TXNDC9: variants seen among roughly 807,000 people sequenced by gnomAD.
TXNDC9 encodes thioredoxin domain-containing protein 9.
Under a neutral mutation model 23.0 loss-of-function variants are expected in TXNDC9, and 7 were observed. The ratio of observed to expected loss-of-function variants is 0.30; its 90% CI spans 0.17 to 0.57. TXNDC9 has a LOEUF of 0.57. Ranked by LOEUF, TXNDC9 falls within the 20% of genes least tolerant of loss-of-function variation. The pLI is 0.90. For synonymous variants in TXNDC9, 72 were observed against 90.6 expected (o/e 0.79, Z 1.17); for missense variants, 198 against 252.6 (o/e 0.78, Z 1.47).
At chr2:99,314,148 C>T, downstream of TXNDC9, among the ~76,000 whole-genome samples, 1 of 152,070 alleles carries the variant, frequency 6.6e-6, no homozygotes, top group Admixed American at 6.6e-5. Flanking sequence ...TTCACATGGC[C>T]TCTTAGTCTT....
chr2:99,332,388 A>G (rs1001476175), intron 2 of TXNDC9, among the ~76,000 whole-genome samples: 1 of 152,194 alleles, frequency 6.6e-6, no homozygotes, highest in Non-Finnish European at 1.5e-5. Flanking sequence ...GGTTGCAGTG[A>G]GTTGAGATGA....
Position 99,319,695 on chromosome 2 carries a change from G to T in TXNDC9, c.668C>A (p.Ser223Tyr), listed in dbSNP as rs2094197067. Residue 223 changes from serine (S) to tyrosine (Y), a missense_variant, in exon 5 of 5, where the codon TCT becomes TAT. Physicochemically the swap from Ser to Tyr is moderately radical, Grantham distance 144. Coordinates refer to ENST00000264255, the MANE Select transcript of TXNDC9 (RefSeq NM_005783.4). Reference sequence around the variant, plus strand: ...AATTATTGAGCTCTAATCATCATCAGAGTCTGAATCATATTTCTTTCCTCG... The same window carrying T: ...AATTATTGAGCTCTAATCATCATCATAGTCTGAATCATATTTCTTTCCTCG... The part of the protein sequence containing the change: ...TIRGKKYDSD[S>Y]DDD 6.3e-7 allele frequency: 1 copy of T among 1,582,908 alleles called. No individual in the cohort carries two copies. Among genetic ancestry groups the T allele is most frequent in the East Asian group, 2.2e-5 (1 of 44,496 alleles).
intron 3 of TXNDC9, among the ~76,000 whole-genome samples, chr2:99,327,268 C>T (rs376968553): frequency 3.3e-5 from 5 of 152,200 alleles, no homozygotes; most frequent in South Asian, 4.1e-4. Flanking sequence ...GGCAGGGTTT[C>T]GCCATGTTGG....
At chr2:99,331,509 CAAAAAAA>C (rs1331778345) in intron 2 of TXNDC9, among the ~76,000 whole-genome samples, 1 of 54,776 alleles carries the variant, frequency 1.8e-5, no homozygotes, top group Non-Finnish European at 3.8e-5. Flanking sequence ...GACTCCCTCT[CAAAAAAA>C]AAAAAAAAAA....
At chr2:99,308,525 G>T in the TXNDC9 span, among the ~76,000 whole-genome samples, 2 of 152,028 alleles carry the variant, frequency 1.3e-5, no homozygotes, top group Non-Finnish European at 2.9e-5. Context: ...TTTTAGGCCT[G>T]TTGGTGCATA....
the TXNDC9 span, among the ~76,000 whole-genome samples, chr2:99,307,056 C>CT: frequency 6.9e-6 from 1 of 144,276 alleles, no homozygotes; most frequent in African/African-American, 2.6e-5. Flanking sequence ...CCTTCCCTTC[C>CT]TCCCTTCCTC....
Position 99,319,808 on chromosome 2 carries a change from A to T in TXNDC9, c.564-9T>A, listed in dbSNP as rs1199549135. ...GCTCCATTAAATTTCCACTTAAAAAAAAAAAAAAGCATTTTATTCTTTATG... is the reference window on the plus strand; with the variant it reads ...GCTCCATTAAATTTCCACTTAAAAATAAAAAAAAGCATTTTATTCTTTATG... On this transcript the variant is annotated splice_polypyrimidine_tract_variant and intron_variant, in intron 4 of 4. Transcript: ENST00000264255. The T allele has an allele frequency of 4.6e-6, 7 of 1,536,068 alleles. No individual in the cohort carries two copies. Among genetic ancestry groups the T allele is most frequent in the Non-Finnish European group, 6.2e-6 (7 of 1,133,878 alleles).
chr2:99,316,071 G>C (rs990812630), downstream of TXNDC9, among the ~76,000 whole-genome samples: 2 of 149,618 alleles, frequency 1.3e-5, no homozygotes, highest in African/African-American at 2.5e-5. Flanking sequence ...TTAAGACTTA[G>C]TATCAAGTCC....
At chr2:99,323,819 C>T (rs1165754026) in intron 3 of TXNDC9, among the ~76,000 whole-genome samples, 1 of 152,034 alleles carries the variant, frequency 6.6e-6, no homozygotes, top group Non-Finnish European at 1.5e-5. Flanking sequence ...TGGTTCTTAA[C>T]CCCAGGTGTT....
Position 99,322,161 on chromosome 2 carries a change from G to C in TXNDC9, c.357C>G (p.Leu119=). The change falls in exon 4 of 5, where the codon CTC becomes CTG. Residue 119 remains leucine (L), a synonymous_variant. Coordinates refer to ENST00000264255, the MANE Select transcript of TXNDC9 (RefSeq NM_005783.4). ...RHLAILSKKH[L]ETKFLKLNVE... ...CATTCAGCTTCAAAAATTTGGTCTCGAGGTGTTTCTTGGACAATATTGCCA... is the reference window on the plus strand; with the variant it reads ...CATTCAGCTTCAAAAATTTGGTCTCCAGGTGTTTCTTGGACAATATTGCCA... The C allele has an allele frequency of 1.2e-6, 2 of 1,614,100 alleles. No homozygotes were observed. The highest frequency in any genetic ancestry group is 1.7e-6 in the Non-Finnish European group (2 of 1,180,002).
At position 99,327,641 on chromosome 2, in the gene TXNDC9, T is replaced by C; in HGVS notation, c.202A>G (p.Lys68Glu). The C allele has an allele frequency of 6.2e-7, 1 of 1,611,532 alleles. No homozygotes were observed. The highest frequency in any genetic ancestry group is 8.5e-7 in the Non-Finnish European group (1 of 1,178,242). ...AQQQKQEWLS[K>E]GHGEYREIPS... ...ATTTCTCTGTATTCCCCATGTCCTT[T>C]AGAAAGCCATTCCTAATTTGGAGAG... Residue 68 changes from lysine (K) to glutamate (E), a missense_variant, in exon 3 of 5, where the codon AAA becomes GAA. Physicochemically the swap from Lys to Glu is moderately conservative, Grantham distance 56 (BLOSUM62 1). Transcript: ENST00000264255.
chr2:99,320,094 A>G (rs1328856962), intron 4 of TXNDC9, among the ~76,000 whole-genome samples: 3 of 152,162 alleles, frequency 2.0e-5, no homozygotes, highest in Admixed American at 6.5e-5. Context: ...TGCAACCTCC[A>G]GTTCCTGGGC....
chr2:99,323,473 C>T (rs768287115), intron 3 of TXNDC9, among the ~76,000 whole-genome samples: 12 of 152,084 alleles, frequency 7.9e-5, no homozygotes, highest in Admixed American at 1.3e-4. Flanking sequence ...CAGTGGCTCA[C>T]GCCTGTAATC....
At chr2:99,322,791 T>C (rs1017597516) in intron 3 of TXNDC9, 11 of 1,225,414 alleles carry the variant, frequency 9.0e-6, no homozygotes, top group South Asian at 2.2e-5. Context: ...AGGTGGCGTA[T>C]TGCCCTGTCC....
At chr2:99,327,675 C>T (rs761558462) in intron 2 of TXNDC9, 22 bp from the exon 3 acceptor site, 11 of 1,455,570 alleles carry the variant, frequency 7.6e-6, no homozygotes, top group African/African-American at 1.4e-5. Flanking sequence ...AGAGGCAAAA[C>T]ATTACACATG....
the TXNDC9 span, among the ~76,000 whole-genome samples, chr2:99,306,336 G>A: frequency 2.0e-5 from 3 of 152,180 alleles, no homozygotes; most frequent in African/African-American, 7.2e-5. Context: ...AAAAAGTGAG[G>A]ATCCAGGAGG....
intron 2 of TXNDC9, 81 bp downstream of exon 2, chr2:99,332,941 T>C (rs753228089): frequency 2.6e-6 from 3 of 1,145,054 alleles, no homozygotes; most frequent in Admixed American, 4.3e-5. Context: ...GAACGAAATG[T>C]AACTACTACA....
chr2:99,320,062 C>T (rs1034554780), intron 4 of TXNDC9, among the ~76,000 whole-genome samples: 2 of 152,172 alleles, frequency 1.3e-5, no homozygotes, highest in African/African-American at 4.8e-5. Context: ...GGCTGATGTG[C>T]AGTGGTGTGA....
At chr2:99,327,964 T>C (rs989657124) in intron 2 of TXNDC9, among the ~76,000 whole-genome samples, 3 of 151,942 alleles carry the variant, frequency 2.0e-5, no homozygotes, top group South Asian at 2.1e-4. Context: ...TTTGTATTTT[T>C]AGCAGAGATG....
Sources: gnomAD v4.1 joint callset for allele counts (sites outside exome capture counted in the v4.1 genomes callset) on GRCh38, gnomAD v4.1.1 for gene constraint, MANE v1.5 for transcripts, NCBI Gene and HGNC (gene_info 2026-07-23, HGNC 2026-07-21) for gene names.